LRRTM4: variants seen among roughly 807,000 people sequenced by gnomAD.
LRRTM4 encodes leucine rich repeat transmembrane neuronal 4, also known as leucine-rich repeat transmembrane neuronal protein 4.
Under a neutral mutation model 47.6 loss-of-function variants are expected in LRRTM4, and 25 were observed. The observed-to-expected ratio is 0.53, with a 90% confidence interval of 0.38 to 0.73. The LOEUF is 0.73. LRRTM4 is among the 30% of genes least tolerant of loss of function. The probability of loss-of-function intolerance (pLI) is 0.00; values close to 1 mark genes in which losing one functional copy is unlikely to be tolerated. For missense variants in LRRTM4, 638 were observed against 713.4 expected (o/e 0.89, Z 1.20); for synonymous variants, 311 against 269.5 (o/e 1.15, Z -1.51).
rs370260510 is a variant in LRRTM4 at position 77,367,843 on chromosome 2, T to C, written c.1551+150475A>G. ...GATTACCTCATATTAACAAATTCCA[T>C]TTGTTGATTACAAGATTCTGTAGCT... On this transcript the variant is annotated intron_variant, in intron 3 of 3. Transcript: ENST00000409884. 3.9e-5 allele frequency among the ~76,000 whole-genome samples: 6 copies of C among 151,962 alleles called. No individual in the cohort carries two copies. In the East Asian group the frequency reaches 1.2e-3, roughly 29 times the overall value.
intron 3 of LRRTM4, among the ~76,000 whole-genome samples, chr2:77,256,839 A>C (rs1436382996): frequency 6.6e-6 from 1 of 152,036 alleles, no homozygotes; most frequent in Non-Finnish European, 1.5e-5. Flanking sequence ...GGAAGGAAGG[A>C]AGAAAGAGAG....
chr2:77,146,835 T>C (rs758613494), intron 3 of LRRTM4, among the ~76,000 whole-genome samples: 1 of 152,094 alleles, frequency 6.6e-6, no homozygotes, highest in Non-Finnish European at 1.5e-5. Context: ...GTTGGAAGAA[T>C]TAAGGATCTC....
chr2:76,902,949 A>C (rs1489813497), intron 3 of LRRTM4, among the ~76,000 whole-genome samples: 1 of 151,656 alleles, frequency 6.6e-6, no homozygotes, highest in Non-Finnish European at 1.5e-5. Context: ...AACTTTTTAT[A>C]TAATAAACTA....
At chr2:77,262,379 C>T (rs148808211) in intron 3 of LRRTM4, among the ~76,000 whole-genome samples, 9 of 152,194 alleles carry the variant, frequency 5.9e-5, no homozygotes, top group African/African-American at 9.6e-5. Context: ...GCTAGACACC[C>T]CTTCCTATTT....
chr2:76,756,824 G>T (rs1390984670), intron 3 of LRRTM4, among the ~76,000 whole-genome samples: 1 of 152,072 alleles, frequency 6.6e-6, no homozygotes, highest in Non-Finnish European at 1.5e-5. Context: ...GACGAGGAAG[G>T]CAAGATTTAC....
chr2:76,959,406 T>G (rs1413458815), intron 3 of LRRTM4, among the ~76,000 whole-genome samples: 1 of 151,398 alleles, frequency 6.6e-6, no homozygotes, highest in Admixed American at 6.6e-5. Flanking sequence ...ATAAGACTGA[T>G]ATCTAATAAC....
intron 3 of LRRTM4, among the ~76,000 whole-genome samples, chr2:76,938,329 T>C (rs1675026874): frequency 6.6e-6 from 1 of 152,154 alleles, no homozygotes; most frequent in Admixed American, 6.5e-5. Context: ...TCTGCTAGTA[T>C]TTTAGATACT....
intron 3 of LRRTM4, among the ~76,000 whole-genome samples, chr2:76,950,197 G>C (rs1380475752): frequency 6.6e-6 from 1 of 151,870 alleles, no homozygotes; most frequent in Non-Finnish European, 1.5e-5. Context: ...AGCTCTGCCA[G>C]AAAACAAGAG....
intron 3 of LRRTM4, among the ~76,000 whole-genome samples, chr2:77,486,791 G>C (rs1056566095): frequency 4.5e-4 from 68 of 152,110 alleles, no homozygotes; most frequent in African/African-American, 1.5e-3. Flanking sequence ...AATACACAAA[G>C]AGATATGCCA....
chr2:77,089,311 C>T (rs1203917025), intron 3 of LRRTM4, among the ~76,000 whole-genome samples: 2 of 151,426 alleles, frequency 1.3e-5, no homozygotes, highest in East Asian at 3.9e-4. Flanking sequence ...TTCACTCTTA[C>T]CAAGTCCCAC....
intron 3 of LRRTM4, among the ~76,000 whole-genome samples, chr2:76,783,629 C>G (rs554236529): frequency 5.7e-4 from 86 of 152,192 alleles, no homozygotes; most frequent in African/African-American, 2.0e-3. Flanking sequence ...TGAAACTAAA[C>G]AAGGAAATTA....
At chr2:77,074,110 G>A (rs1462402889) in intron 3 of LRRTM4, among the ~76,000 whole-genome samples, 1 of 152,054 alleles carries the variant, frequency 6.6e-6, no homozygotes, top group African/African-American at 2.4e-5. Flanking sequence ...TTTCTTGAAT[G>A]CAATTTTAAA....
chr2:76,794,323 TTATG>T (rs2103730203), intron 3 of LRRTM4, among the ~76,000 whole-genome samples: 1 of 152,246 alleles, frequency 6.6e-6, no homozygotes, highest in African/African-American at 2.4e-5. Flanking sequence ...TGAAAGGAAG[TTATG>T]TGTCAGAGAG....
chr2:76,952,280 A>C (rs1573360573), intron 3 of LRRTM4, among the ~76,000 whole-genome samples: 1 of 151,998 alleles, frequency 6.6e-6, no homozygotes, highest in African/African-American at 2.4e-5. Flanking sequence ...TTTGGAGAAA[A>C]TATTTGCAGA....
At chr2:77,313,212 CGATGT>C in intron 3 of LRRTM4, among the ~76,000 whole-genome samples, 1 of 151,616 alleles carries the variant, frequency 6.6e-6, no homozygotes, top group African/African-American at 2.4e-5. Flanking sequence ...ATGTGCCTCC[CGATGT>C]TTTCCTGGGA....
At chr2:76,964,942 G>A (rs996786424) in intron 3 of LRRTM4, among the ~76,000 whole-genome samples, 2 of 150,442 alleles carry the variant, frequency 1.3e-5, no homozygotes, top group Non-Finnish European at 3.0e-5. Context: ...TAATAATTTA[G>A]GTAAAATTAA....
chr2:76,993,333 A>G (rs1292200178), intron 3 of LRRTM4, among the ~76,000 whole-genome samples: 1 of 151,898 alleles, frequency 6.6e-6, no homozygotes, highest in Non-Finnish European at 1.5e-5. Context: ...AATCAACAGA[A>G]TGGAAGAAAA....
At chr2:77,070,481 C>T (rs1447194763) in intron 3 of LRRTM4, among the ~76,000 whole-genome samples, 1 of 148,768 alleles carries the variant, frequency 6.7e-6, no homozygotes, top group Non-Finnish European at 1.5e-5. Context: ...TTCTACCTTG[C>T]AGAAAAGCAA....
chr2:76,879,099 C>T (rs1225714632), intron 3 of LRRTM4, among the ~76,000 whole-genome samples: 1 of 152,148 alleles, frequency 6.6e-6, no homozygotes, highest in Non-Finnish European at 1.5e-5. Flanking sequence ...GCAAGGTGAA[C>T]CAACAAGCAC....
Sources: allele counts gnomAD v4.1 joint callset (sites outside exome capture counted in the v4.1 genomes callset), GRCh38; gene constraint gnomAD v4.1.1; transcripts MANE v1.5; gene names NCBI Gene and HGNC (gene_info 2026-07-23, HGNC 2026-07-21).